HEMK2: variants seen among roughly 807,000 people sequenced by gnomAD.
HEMK2 encodes the protein methyltransferase HEMK2.
the HEMK2 span, among the ~76,000 whole-genome samples, chr21:28,678,074 G>A: frequency 6.6e-6 from 1 of 152,332 alleles, no homozygotes; most frequent in East Asian, 1.9e-4. Context: ...AGAGAAGAAG[G>A]CTTCAGACGA....
chr21:28,755,722 C>G, the HEMK2 span, among the ~76,000 whole-genome samples: 1 of 152,160 alleles, frequency 6.6e-6, no homozygotes. Context: ...TCAGTGCTCA[C>G]TGTCTACACA....
chr21:28,652,041 T>C, the HEMK2 span, among the ~76,000 whole-genome samples: 2 of 152,256 alleles, frequency 1.3e-5, no homozygotes, highest in Non-Finnish European at 2.9e-5. Flanking sequence ...TGAAGTTGCT[T>C]CATTACATTT....
chr21:28,879,258 T>C, the HEMK2 span, among the ~76,000 whole-genome samples: 1 of 152,124 alleles, frequency 6.6e-6, no homozygotes, highest in African/African-American at 2.4e-5. Flanking sequence ...CTAATTTTTT[T>C]TTGAGACAGA....
the HEMK2 span, among the ~76,000 whole-genome samples, chr21:28,726,664 T>C: frequency 6.6e-6 from 1 of 152,154 alleles, no homozygotes; most frequent in Non-Finnish European, 1.5e-5. Flanking sequence ...TCCCAGCACT[T>C]TGGGAGGCCA....
At chr21:28,584,579 G>T in the HEMK2 span, among the ~76,000 whole-genome samples, 4 of 151,974 alleles carry the variant, frequency 2.6e-5, no homozygotes, top group African/African-American at 9.7e-5. Context: ...AGTAAGTGGG[G>T]TCACATCTCA....
At chr21:28,661,272 T>G in the HEMK2 span, among the ~76,000 whole-genome samples, 1 of 152,094 alleles carries the variant, frequency 6.6e-6, no homozygotes, top group Non-Finnish European at 1.5e-5. Flanking sequence ...TTTTTCTAAC[T>G]TCTTGAGCTG....
the HEMK2 span, among the ~76,000 whole-genome samples, chr21:28,693,382 T>C: frequency 1.1e-4 from 17 of 152,284 alleles, no homozygotes; most frequent in African/African-American, 4.1e-4. Flanking sequence ...AATGTCATCA[T>C]AGTAATAAGG....
chr21:28,695,564 A>G, the HEMK2 span, among the ~76,000 whole-genome samples: 1 of 152,150 alleles, frequency 6.6e-6, no homozygotes, highest in Non-Finnish European at 1.5e-5. Flanking sequence ...TTATAAAACC[A>G]TCATATCTCA....
chr21:28,841,133 ATATAATTTATATAAT>A, the HEMK2 span, among the ~76,000 whole-genome samples: 1 of 46,200 alleles, frequency 2.2e-5, no homozygotes, highest in African/African-American at 1.2e-4. Context: ...AATATATAAT[ATATAATTTATATAAT>A]TATAATTTAT....
At chr21:28,702,540 C>A in the HEMK2 span, among the ~76,000 whole-genome samples, 2 of 152,036 alleles carry the variant, frequency 1.3e-5, no homozygotes, top group African/African-American at 4.8e-5. Context: ...CACACGCAGC[C>A]AACAAGCATA....
chr21:28,676,419 A>G, the HEMK2 span, among the ~76,000 whole-genome samples: 2 of 152,228 alleles, frequency 1.3e-5, no homozygotes, highest in Non-Finnish European at 2.9e-5. Flanking sequence ...TTCCAAATAC[A>G]GTCACTTTCT....
the HEMK2 span, among the ~76,000 whole-genome samples, chr21:28,650,022 A>G: frequency 6.6e-6 from 1 of 152,202 alleles, no homozygotes; most frequent in Admixed American, 6.5e-5. Context: ...TATTCTTCAG[A>G]CAATGGGAAA....
chr21:28,848,415 A>G, the HEMK2 span, among the ~76,000 whole-genome samples: 1 of 151,890 alleles, frequency 6.6e-6, no homozygotes, highest in Non-Finnish European at 1.5e-5. Flanking sequence ...AGATCATTTG[A>G]TCTCTTTTTT....
At chr21:28,821,850 T>C in the HEMK2 span, among the ~76,000 whole-genome samples, 3 of 152,240 alleles carry the variant, frequency 2.0e-5, no homozygotes, top group Non-Finnish European at 4.4e-5. Context: ...TTTTTACACA[T>C]CAGAAGGTAT....
At chr21:28,765,462 A>G in the HEMK2 span, among the ~76,000 whole-genome samples, 1 of 152,136 alleles carries the variant, frequency 6.6e-6, no homozygotes, top group African/African-American at 2.4e-5. Flanking sequence ...ACACAGCAAT[A>G]GCTAAATAAT....
chr21:28,720,195 G>T, the HEMK2 span, among the ~76,000 whole-genome samples: 2 of 152,284 alleles, frequency 1.3e-5, no homozygotes, highest in East Asian at 3.9e-4. Flanking sequence ...AGTAAATAAG[G>T]TGATTTTAAA....
chr21:28,748,107 C>T, the HEMK2 span, among the ~76,000 whole-genome samples: 2 of 152,152 alleles, frequency 1.3e-5, no homozygotes, highest in African/African-American at 4.8e-5. Context: ...CTGAGGACTA[C>T]TAGAGTGAGG....
At chr21:28,636,365 G>T in the HEMK2 span, among the ~76,000 whole-genome samples, 1 of 152,082 alleles carries the variant, frequency 6.6e-6, no homozygotes, top group Non-Finnish European at 1.5e-5. Flanking sequence ...CTTTTGTAGA[G>T]CTAGCAACTG....
the HEMK2 span, among the ~76,000 whole-genome samples, chr21:28,779,399 G>A: frequency 6.6e-6 from 1 of 152,296 alleles, no homozygotes; most frequent in East Asian, 1.9e-4. Flanking sequence ...TCACTTACAT[G>A]AGGGATTTTA....
Sources: gnomAD v4.1 joint callset for allele counts (sites outside exome capture counted in the v4.1 genomes callset) on GRCh38, gnomAD v4.1.1 for gene constraint, MANE v1.5 for transcripts, NCBI Gene and HGNC (gene_info 2026-07-23, HGNC 2026-07-21) for gene names.